Variants in TPRG1 observed in about 807,000 individuals in gnomAD.
TPRG1 encodes tumor protein p63-regulated gene 1 protein.
In TPRG1, 29 loss-of-function variants were observed where a neutral mutation model predicts 29.3. The observed-to-expected ratio is 0.99, with a 90% CI of 0.74 to 1.35. TPRG1 has a LOEUF of 1.35. Among genes scored for constraint, TPRG1 ranks in the 40% most tolerant of loss-of-function variants. The pLI is 0.00. For missense variants in TPRG1, 327 were observed against 335.0 expected, an observed-to-expected ratio of 0.98 and a Z score of 0.19; for synonymous variants, 130 against 116.8, an observed-to-expected ratio of 1.11 and a Z score of -0.73.
intron 5 of TPRG1, among the ~76,000 whole-genome samples, chr3:189,164,954 C>G (rs1175192969): frequency 6.6e-6 from 1 of 152,150 alleles, no homozygotes; most frequent in Admixed American, 6.5e-5. Context: ...TTGCTGAACT[C>G]CTTTCCTTCA....
chr3:189,210,798 G>C (rs1735147610), intron 2 of TPRG1, among the ~76,000 whole-genome samples: 1 of 152,054 alleles, frequency 6.6e-6, no homozygotes, highest in African/African-American at 2.4e-5. Context: ...GCAAAGCTAG[G>C]GCTCAAACTA....
intron 4 of TPRG1, among the ~76,000 whole-genome samples, chr3:189,093,269 G>A (rs1184472785): frequency 6.6e-6 from 1 of 152,198 alleles, no homozygotes; most frequent in African/African-American, 2.4e-5. Flanking sequence ...GAATTCAGCT[G>A]CATTTTGCTT....
intron 4 of TPRG1, among the ~76,000 whole-genome samples, chr3:189,029,094 A>G (rs958039173): frequency 1.3e-5 from 2 of 152,112 alleles, no homozygotes; most frequent in Non-Finnish European, 2.9e-5. Context: ...AACAGTTTGG[A>G]AAGAGGTTCA....
chr3:188,997,749 G>A (rs185928781), intron 1 of TPRG1, among the ~76,000 whole-genome samples: 2 of 152,126 alleles, frequency 1.3e-5, no homozygotes, highest in African/African-American at 4.8e-5. Flanking sequence ...CTTCATGAAG[G>A]GACATCCGAA....
At chr3:189,254,839 A>G (rs1473037360) in intron 4 of TPRG1, among the ~76,000 whole-genome samples, 1 of 152,130 alleles carries the variant, frequency 6.6e-6, no homozygotes, top group Non-Finnish European at 1.5e-5. Context: ...TTATTGGCGT[A>G]TAGGAATGCT....
At chr3:189,094,486 C>T (rs969277808) in intron 4 of TPRG1, among the ~76,000 whole-genome samples, 1 of 152,168 alleles carries the variant, frequency 6.6e-6, no homozygotes, top group African/African-American at 2.4e-5. Flanking sequence ...TTAAATGGCT[C>T]TTTAAGAGGT....
chr3:189,000,259 T>C (rs1425793505), intron 1 of TPRG1, among the ~76,000 whole-genome samples: 15 of 152,158 alleles, frequency 9.9e-5, no homozygotes, highest in Non-Finnish European at 1.5e-4. Flanking sequence ...GTGGTGGTTG[T>C]TGGATTCAAT....
At chr3:189,187,152 A>T (rs1214131051) in intron 1 of TPRG1, among the ~76,000 whole-genome samples, 1 of 151,652 alleles carries the variant, frequency 6.6e-6, no homozygotes, top group East Asian at 1.9e-4. Context: ...ACACTTGGCT[A>T]ATTTTTTGTA....
intron 4 of TPRG1, among the ~76,000 whole-genome samples, chr3:189,300,829 C>T (rs1347823360): frequency 6.6e-6 from 1 of 152,138 alleles, no homozygotes; most frequent in Non-Finnish European, 1.5e-5. Context: ...TCCTACTTTA[C>T]TAGTAGAGCT....
chr3:189,157,537 C>T (rs774776570), intron 5 of TPRG1, among the ~76,000 whole-genome samples: 34 of 152,116 alleles, frequency 2.2e-4, no homozygotes, highest in Admixed American at 8.5e-4. Flanking sequence ...GAGGCAGCCA[C>T]ACAGGCCAGG....
At chr3:189,127,203 C>T (rs1217793890) in exon 2 of TPRG1, 2 of 152,170 alleles carry the variant, frequency 1.3e-5, no homozygotes, top group African/African-American at 4.8e-5. Context: ...TTCTGATATA[C>T]CTCCAAGGTG....
chr3:189,068,113 C>A (rs548314784), intron 4 of TPRG1, among the ~76,000 whole-genome samples: 1 of 152,054 alleles, frequency 6.6e-6, no homozygotes, highest in African/African-American at 2.4e-5. Flanking sequence ...TCAAAACCAC[C>A]GTGAGATATC....
In TPRG1 at chr3:189,310,498, C is replaced by T; in HGVS notation, c.592C>T (p.Pro198Ser). 1 of 1,612,142 alleles carries T rather than the reference C, an allele frequency of 6.2e-7. No homozygotes were observed. Among genetic ancestry groups the T allele is most frequent in the Non-Finnish European group, 8.5e-7 (1 of 1,179,370 alleles). The change falls in exon 5 of 6, where the codon CCT becomes TCT. Residue 198 changes from proline (P) to serine (S), a missense_variant. Pro to Ser is a moderately conservative substitution (Grantham distance 74). Coordinates refer to ENST00000345063, the MANE Select transcript of TPRG1 (RefSeq NM_198485.4). The stretch of plus-strand genomic sequence containing the variant: ...TCCTTATGCTACTTTCACTGAGCAT[C>T]CTATGAAATACACCAGTGAGAAATT... ...EVPYATFTEH[P>S]MKYTSEKFLE...
chr3:189,139,667 ATT>A (rs35742411), intron 3 of TPRG1, among the ~76,000 whole-genome samples: 16 of 134,020 alleles, frequency 1.2e-4, no homozygotes, highest in African/African-American at 2.5e-4. Context: ...CAGCTGAAGG[ATT>A]TTTTTTTTTT....
At chr3:189,213,485 T>C (rs1735583765) in intron 2 of TPRG1, among the ~76,000 whole-genome samples, 1 of 152,188 alleles carries the variant, frequency 6.6e-6, no homozygotes, top group Admixed American at 6.5e-5. Flanking sequence ...TATAAGGGCT[T>C]GACCTACATT....
intron 3 of TPRG1, among the ~76,000 whole-genome samples, chr3:189,234,158 C>T (rs1739090845): frequency 6.6e-6 from 1 of 152,150 alleles, no homozygotes; most frequent in Non-Finnish European, 1.5e-5. Context: ...AGATTACAGG[C>T]CTGAGCCACC....
chr3:189,056,031 CCCTTCCTTCCTT>C (rs1192339496), intron 4 of TPRG1, among the ~76,000 whole-genome samples: 3,902 of 58,192 alleles, frequency 0.067, 164 homozygotes, highest in Non-Finnish European at 0.074. Flanking sequence ...TTCCCTCCCT[CCCTTCCTTCCTT>C]CCTTCCTTCC....
intron 4 of TPRG1, among the ~76,000 whole-genome samples, chr3:189,082,793 A>G (rs1389593799): frequency 1.3e-5 from 2 of 152,188 alleles, no homozygotes; most frequent in Admixed American, 6.5e-5. Flanking sequence ...AAGGCCAGCA[A>G]TTGATTCCAA....
intron 3 of TPRG1, among the ~76,000 whole-genome samples, chr3:189,226,710 A>AC (rs1553926279): frequency 8.6e-5 from 13 of 150,908 alleles, no homozygotes; most frequent in African/African-American, 2.7e-4. Flanking sequence ...AACAAAAAAA[A>AC]CCGAAAGAAC....
Sources: allele counts gnomAD v4.1 joint callset (sites outside exome capture counted in the v4.1 genomes callset), GRCh38; gene constraint gnomAD v4.1.1; transcripts MANE v1.5; gene names NCBI Gene and HGNC (gene_info 2026-07-23, HGNC 2026-07-21).